Variants in ETFA observed in about 807,000 individuals in gnomAD.
ETFA encodes electron transfer flavoprotein subunit alpha.
In ETFA, 22 loss-of-function variants were observed where a neutral mutation model predicts 46.2. That is an observed-to-expected ratio of 0.48 (90% CI 0.34 to 0.68). ETFA has a LOEUF of 0.68. Ranked by LOEUF, ETFA falls within the 30% of genes least tolerant of loss-of-function variation. The pLI, the probability that ETFA is intolerant of heterozygous loss-of-function variation, is 0.01. For synonymous variants in ETFA, 131 were observed against 139.9 expected (o/e 0.94, Z 0.45); for missense variants, 345 against 401.1 (o/e 0.86, Z 1.19).
At chr15:76,221,842 T>C (rs376222971) in intron 11 of ETFA, among the ~76,000 whole-genome samples, 2 of 152,222 alleles carry the variant, frequency 1.3e-5, no homozygotes, top group East Asian at 3.8e-4. Flanking sequence ...AACTTGTCCT[T>C]TATAACTAAT....
intron 9 of ETFA, among the ~76,000 whole-genome samples, chr15:76,241,870 C>G (rs1052428521): frequency 0.043 from 4 of 92 alleles, no homozygotes; most frequent in African/African-American, 0.22. Flanking sequence ...TGGAGTCTCG[C>G]TCTGTCGCCA....
At chr15:76,232,698 T>C (rs1268867511) in intron 9 of ETFA, among the ~76,000 whole-genome samples, 1 of 152,216 alleles carries the variant, frequency 6.6e-6, no homozygotes, top group Non-Finnish European at 1.5e-5. Flanking sequence ...AGCACCTAAT[T>C]GTATATGGCC....
chr15:76,259,437 T>C (rs2039379213), intron 9 of ETFA: 1 of 1,035,392 alleles, frequency 9.7e-7, no homozygotes, highest in Non-Finnish European at 1.5e-6. Context: ...TGTAAGAACG[T>C]CCTCCATACA....
intron 1 of ETFA, among the ~76,000 whole-genome samples, chr15:76,296,880 T>C (rs2039829865): frequency 6.6e-6 from 1 of 152,220 alleles, no homozygotes; most frequent in African/African-American, 2.4e-5. Flanking sequence ...TCCAAAATGT[T>C]GAAGGCTACA....
intron 9 of ETFA, chr15:76,261,015 A>T: frequency 6.2e-7 from 1 of 1,608,908 alleles, no homozygotes; most frequent in Non-Finnish European, 8.5e-7. Flanking sequence ...TGTCACGGTG[A>T]TGTTGAAGGG....
At position 76,295,615 on chromosome 15, in the gene ETFA, T is replaced by C; in HGVS notation, c.162A>G (p.Leu54=). ...ATRLGGEVSC[L]VAGTKCDKVA... ...CCTTGTCACATTTGGTTCCAGCTAC[T>C]AAGCAGGACACTTCACCTCCAAGGC... The change falls in exon 2 of 12, where the codon TTA becomes TTG. Residue 54 remains leucine, a synonymous_variant. Transcript: ENST00000557943. 6.2e-7 allele frequency: 1 copy of C among 1,613,646 alleles called. No homozygotes were observed. Among genetic ancestry groups the C allele is most frequent in the South Asian group, 1.1e-5 (1 of 91,068 alleles).
chr15:76,230,943 TA>T lies in ETFA; in HGVS notation c.882+389del, dbSNP rs149561792. On this transcript the variant is annotated intron_variant, in intron 10 of 11. Transcript: ENST00000557943. Reference sequence around the variant, plus strand: ...GAATCAGGGATCAAAACCTCAAAAATAAGTTACACGTTCAGAACCTCATCAA... The same window carrying T: ...GAATCAGGGATCAAAACCTCAAAAATAGTTACACGTTCAGAACCTCATCAA... 4.8e-3 allele frequency: 859 copies of T among 180,054 alleles called. 14 individuals carry two copies. The highest frequency in any genetic ancestry group is 0.02 in the African/African-American group (821 of 42,064). 11.2% of individuals were successfully genotyped at this position (180,054 alleles called of 1,614,324 possible). A position where few individuals can be genotyped will look rare whatever the true frequency, so the allele number is the denominator to read the frequency against.
intron 1 of ETFA, among the ~76,000 whole-genome samples, chr15:76,302,806 G>T (rs1411916903): frequency 6.6e-6 from 1 of 152,140 alleles, no homozygotes; most frequent in African/African-American, 2.4e-5. Flanking sequence ...ATTGGATTTT[G>T]CTGTGAACCT....
At chr15:76,305,410 T>C (rs2039930186) in intron 1 of ETFA, among the ~76,000 whole-genome samples, 1 of 152,250 alleles carries the variant, frequency 6.6e-6, no homozygotes, top group South Asian at 2.1e-4. Flanking sequence ...TGTTTCCTCA[T>C]TGATAATGTA....
intron 9 of ETFA, chr15:76,259,330 G>C: frequency 1.3e-6 from 2 of 1,595,760 alleles, no homozygotes; most frequent in Non-Finnish European, 1.7e-6. Context: ...GTAAAGCTTG[G>C]GCGCTGCTTG....
intron 1 of ETFA, among the ~76,000 whole-genome samples, chr15:76,296,973 A>C (rs962546786): frequency 3.3e-5 from 5 of 152,222 alleles, no homozygotes; most frequent in African/African-American, 1.2e-4. Flanking sequence ...CACCATAGGC[A>C]TAAGGAAAAA....
At chr15:76,306,255 GT>G (rs1211353413) in intron 1 of ETFA, among the ~76,000 whole-genome samples, 1 of 120,500 alleles carries the variant, frequency 8.3e-6, no homozygotes, top group East Asian at 2.9e-4. Context: ...GCAGGGGAGG[GT>G]TTTTTTGCTT....
chr15:76,262,062 T>G (rs1416492510), intron 9 of ETFA, among the ~76,000 whole-genome samples: 2 of 151,926 alleles, frequency 1.3e-5, no homozygotes, highest in East Asian at 3.9e-4. Flanking sequence ...GATAAGAAAT[T>G]AGAGAAATAA....
At chr15:76,262,869 G>A (rs187946896) in intron 9 of ETFA, among the ~76,000 whole-genome samples, 293 of 152,182 alleles carry the variant, frequency 1.9e-3, no homozygotes, top group South Asian at 4.6e-3. Flanking sequence ...TACAAATAAT[G>A]GCTGAGCTCT....
chr15:76,276,906 G>A (rs2039598590), intron 8 of ETFA, among the ~76,000 whole-genome samples: 1 of 152,118 alleles, frequency 6.6e-6, no homozygotes, highest in South Asian at 2.1e-4. Context: ...TAAATTTCCA[G>A]TCTGATTATT....
chr15:76,303,904 T>C (rs1339251263), intron 1 of ETFA, among the ~76,000 whole-genome samples: 1 of 152,200 alleles, frequency 6.6e-6, no homozygotes, highest in Non-Finnish European at 1.5e-5. Flanking sequence ...TCAAAGAACT[T>C]AGAACATTCG....
chr15:76,243,815 AC>A (rs2039218031), intron 9 of ETFA, among the ~76,000 whole-genome samples: 12 of 105,348 alleles, frequency 1.1e-4, no homozygotes, highest in Non-Finnish European at 2.5e-4. Flanking sequence ...ACAAAAACAA[AC>A]AAACAAAAAA....
intron 9 of ETFA, among the ~76,000 whole-genome samples, chr15:76,257,245 G>A (rs1326635295): frequency 6.6e-6 from 1 of 152,164 alleles, no homozygotes; most frequent in South Asian, 2.1e-4. Flanking sequence ...GGAGACTTGG[G>A]ACAGAAAAGG....
chr15:76,296,954 G>A (rs937001099), intron 1 of ETFA, among the ~76,000 whole-genome samples: 1 of 152,226 alleles, frequency 6.6e-6, no homozygotes, highest in Non-Finnish European at 1.5e-5. Flanking sequence ...GTGAAAAGAT[G>A]AGGAATGGCA....
Sources: allele counts gnomAD v4.1 joint callset (sites outside exome capture counted in the v4.1 genomes callset), GRCh38; gene constraint gnomAD v4.1.1; transcripts MANE v1.5; gene names NCBI Gene and HGNC (gene_info 2026-07-23, HGNC 2026-07-21).